Variants in UPF3B observed in about 807,000 individuals in gnomAD.
UPF3B encodes the protein regulator of nonsense transcripts 3B.
Under a neutral mutation model 40.3 loss-of-function variants are expected in UPF3B, and 7 were observed. That is an observed-to-expected ratio of 0.17 (90% CI 0.10 to 0.33). UPF3B has a LOEUF of 0.33. UPF3B is among the 10% of genes least tolerant of loss of function. UPF3B has a pLI of 1.00. For synonymous variants in UPF3B, 117 were observed against 117.3 expected, an observed-to-expected ratio of 1.00 and a Z score of 0.01; for missense variants, 229 against 358.9, an observed-to-expected ratio of 0.64 and a Z score of 2.93.
At chrX:119,807,336 TTCTC>T (rs1280902129) in intron 6 of UPF3B, 3 of 806,784 alleles carry the variant, frequency 3.7e-6, no homozygotes, top group Admixed American at 4.6e-5. Flanking sequence ...ACCACCCCCT[TTCTC>T]TCTATTCTTT....
intron 3 of UPF3B, among the ~76,000 whole-genome samples, chrX:119,849,588 A>G (rs2056276922): frequency 9.0e-6 from 1 of 111,457 alleles, no homozygotes; most frequent in Non-Finnish European, 1.9e-5. Context: ...GGAATAGATA[A>G]ACCAGACTGA....
At chrX:119,847,460 A>G (rs1261392074) in intron 3 of UPF3B, among the ~76,000 whole-genome samples, 1 of 110,521 alleles carries the variant, frequency 9.0e-6, no homozygotes, top group African/African-American at 3.3e-5. Context: ...TCAAAAAAAC[A>G]AAACAAAACA....
rs968785992 is a variant in UPF3B, at chrX:119,841,391, C to T, written c.625-133G>A. ...TTTCTACAAAGTGGCATTCTACCAC[C>T]GTTATCCCCACTCCACCCAGAAAAC... On this transcript the variant is annotated intron_variant, in intron 6 of 10. Transcript: ENST00000276201. 225 of 1,032,108 alleles carry T rather than the reference C, an allele frequency of 2.2e-4. 1 individual carries two copies. The highest frequency in any genetic ancestry group is 2.2e-4 in the Non-Finnish European group (171 of 763,810). 85.1% of individuals were successfully genotyped at this position (1,032,108 alleles called of 1,213,427 possible). A position where few individuals can be genotyped will look rare whatever the true frequency, so the allele number is the denominator to read the frequency against.
chrX:119,842,625 CACACAG>C lies in UPF3B; in HGVS notation c.580+560_580+565del, dbSNP rs1569462540. 5.6e-5 allele frequency among the ~76,000 whole-genome samples: 6 copies of C among 107,654 alleles called. No homozygotes were observed. The East Asian group carries it at 1.7e-3, about 31-fold the overall frequency. The allele number at this position is 107,654 out of a possible 115,157, so 93.5% of individuals were successfully genotyped here. On this transcript the variant is annotated intron_variant, in intron 5 of 10. Transcript: ENST00000276201. ...ACACATACACACACACACACACACA[CACACAG>C]AGAGAGAGCGAGCGAGCAAGCAAGC... is the stretch of plus-strand genomic sequence containing the variant.
intron 5 of UPF3B, among the ~76,000 whole-genome samples, chrX:119,813,686 C>A (rs781654349): frequency 2.9e-4 from 32 of 108,842 alleles, no homozygotes; most frequent in African/African-American, 1.0e-3. Context: ...CTCGGCCTCC[C>A]GAGTAGCTTG....
intron 5 of UPF3B, among the ~76,000 whole-genome samples, chrX:119,809,382 T>G (rs1307212353): frequency 8.9e-6 from 1 of 111,907 alleles, no homozygotes; most frequent in African/African-American, 3.2e-5. Context: ...CTTCAAAAAG[T>G]CCATGGAAAA....
chrX:119,816,648 G>A (rs1382257605), intron 4 of UPF3B, among the ~76,000 whole-genome samples: 1 of 111,278 alleles, frequency 9.0e-6, no homozygotes, highest in Non-Finnish European at 1.9e-5. Context: ...CATGCCTGGG[G>A]GTTCAGGAGT....
chrX:119,830,860 A>G (rs1245917272), downstream of UPF3B, among the ~76,000 whole-genome samples: 2 of 112,130 alleles, frequency 1.8e-5, no homozygotes, highest in Non-Finnish European at 3.8e-5. Flanking sequence ...CAAAGTCAAC[A>G]GTTACCAACA....
chrX:119,851,983 T>C, intron 1 of UPF3B, 110 bp from the exon 2 acceptor site: 1 of 533,573 alleles, frequency 1.9e-6, no homozygotes, highest in Non-Finnish European at 3.2e-6. Flanking sequence ...AGATCACTTG[T>C]AAAAACCCAG....
intron 8 of UPF3B, among the ~76,000 whole-genome samples, chrX:119,840,266 T>C (rs1271525610): frequency 9.0e-6 from 1 of 111,491 alleles, no homozygotes; most frequent in African/African-American, 3.3e-5. Context: ...GATTCCCAGA[T>C]ATATGCAGGA....
At chrX:119,814,859 C>CTTTTT (rs140201169) in intron 5 of UPF3B, among the ~76,000 whole-genome samples, 49 of 46,225 alleles carry the variant, frequency 1.1e-3, no homozygotes, top group South Asian at 4.8e-3. Flanking sequence ...TTCTTTCTTT[C>CTTTTT]TTTTTTTTTT....
rs758898406 is a variant in UPF3B, at chrX:119,821,256, T to C, written c.494+1686A>G. ...CTGAGGCCTCCCAGAAGCTGAGCAA[T>C]GTCAGATGCCATGCTTGTACAGCCT... On this transcript the variant is annotated intron_variant, in intron 4 of 6. Coordinates refer to the UPF3B transcript ENST00000636792. Among the ~76,000 whole-genome samples the C allele has an allele frequency of 8.0e-5, 9 of 112,195 alleles. No individual in the cohort carries two copies. The South Asian group carries it at 3.3e-3, about 41-fold the overall frequency.
At chrX:119,837,637 T>G in intron 10 of UPF3B, 120 bp downstream of exon 10, 1 of 699,985 alleles carries the variant, frequency 1.4e-6, no homozygotes, top group Non-Finnish European at 2.1e-6. Context: ...AAAAAAAAAG[T>G]TGCAGATGAT....
rs367608865 is a variant in UPF3B at position 119,838,403 on chromosome X, C to T, written c.971G>A (p.Arg324His). The change falls in exon 9 of 11, where the codon CGT (arginine) becomes CAT (histidine). Residue 324 changes from arginine to histidine, a missense_variant. Physicochemically the swap from Arg to His is conservative, Grantham distance 29 (BLOSUM62 0). This residue lies in a region of UPF3B where 119 missense variants were observed against 153.8 expected (regional missense o/e 0.77). Coordinates refer to ENST00000276201, the MANE Select transcript of UPF3B (RefSeq NM_080632.3). ...ASGQSCTLPKRSDSELKDEKP... is the reference protein window; with the variant it reads ...ASGQSCTLPKHSDSELKDEKP... The stretch of plus-strand genomic sequence containing the variant: ...TTCATCTTTAAGTTCGCTATCAGAA[C>T]GCTTGGGCAATGTACAACTTTGCCC... The T allele has an allele frequency of 8.3e-6, 10 of 1,210,597 alleles. No individual in the cohort carries two copies. The highest frequency in any genetic ancestry group is 7.0e-5 in the African/African-American group (4 of 57,481).
At position 119,834,822 on chromosome X, in the gene UPF3B, A is replaced by C; in HGVS notation, c.*56T>G. 8.3e-7 allele frequency: 1 copy of C among 1,210,094 alleles called. No homozygotes were observed. The highest frequency in any genetic ancestry group is 1.1e-6 in the Non-Finnish European group (1 of 895,406). On this transcript the variant is annotated 3_prime_UTR_variant, in exon 11 of 11. Coordinates refer to ENST00000276201, the MANE Select transcript of UPF3B (RefSeq NM_080632.3). The stretch of plus-strand genomic sequence containing the variant: ...CCCTGAAGGCACCTCTGGATTGCTT[A>C]ACGTGTGCTCTTTGGCTGCCTAGAC...
chrX:119,834,353 A>G lies in UPF3B; in HGVS notation c.*525T>C, dbSNP rs541687512. 1.2e-5 allele frequency: 9 copies of G among 757,055 alleles called. No individual in the cohort carries two copies. In the South Asian group the frequency reaches 3.3e-4, roughly 28 times the overall value. 62.4% of individuals were successfully genotyped at this position (757,055 alleles called of 1,213,427 possible). A position where few individuals can be genotyped will look rare whatever the true frequency, so the allele number is the denominator to read the frequency against. On this transcript the variant is annotated 3_prime_UTR_variant, in exon 11 of 11. Coordinates refer to ENST00000276201, the MANE Select transcript of UPF3B (RefSeq NM_080632.3). Reference sequence around the variant, plus strand: ...GTAACATAACTATTTAAATTTTTGTATCAACGAAAGTGTGTTCTATCCTTC... The same window carrying G: ...GTAACATAACTATTTAAATTTTTGTGTCAACGAAAGTGTGTTCTATCCTTC...
At chrX:119,829,116 G>A (rs753946976), downstream of UPF3B, among the ~76,000 whole-genome samples, 8 of 111,715 alleles carry the variant, frequency 7.2e-5, no homozygotes, top group Non-Finnish European at 1.1e-4. Context: ...CCGCCTCCCC[G>A]GTTCAAGCGA....
At position 119,837,779 on chromosome X, in the gene UPF3B, T is replaced by C; in HGVS notation, c.1280A>G (p.Lys427Arg). 8.3e-7 allele frequency: 1 copy of C among 1,210,715 alleles called. No individual in the cohort carries two copies. The highest frequency in any genetic ancestry group is 1.7e-5 in the African/African-American group (1 of 57,784). ...EKTEKKEEVV[K>R]RDRIRNKDRP... ...CACCTTGTTTCTTATTCGATCTCTC[T>C]TGACCACTTCTTCTTTCTTTTCAGT... is the stretch of plus-strand genomic sequence containing the variant. The change falls in exon 10 of 11, where the codon AAG (lysine) becomes AGG (arginine). Residue 427 changes from lysine to arginine, a missense_variant. Coordinates refer to ENST00000276201, the MANE Select transcript of UPF3B (RefSeq NM_080632.3).
rs1237919242 is a variant in UPF3B, at chrX:119,852,950, G to A, written c.-22C>T. On this transcript the variant is annotated 5_prime_UTR_variant, in exon 1 of 11. Transcript: ENST00000276201. ...TCATGGCTACGTCCCCCGCTGAAGC[G>A]GCTTGGCCGGAACGGGGTTACCCCG... 6 of 1,211,932 alleles carry A rather than the reference G, an allele frequency of 5.0e-6. No homozygotes were observed. In the South Asian group the frequency reaches 5.3e-5, roughly 11 times the overall value.
Sources: gnomAD v4.1 joint callset for allele counts (sites outside exome capture counted in the v4.1 genomes callset) on GRCh38, gnomAD v4.1.1 for gene constraint, gnomAD v4.1.1 regional missense constraint, MANE v1.5 for transcripts, NCBI Gene and HGNC (gene_info 2026-07-23, HGNC 2026-07-21) for gene names.